CFAP299: variants seen among roughly 807,000 people sequenced by gnomAD.
The protein encoded by CFAP299 is cilia- and flagella-associated protein 299.
Under a neutral mutation model 27.0 loss-of-function variants are expected in CFAP299, and 21 were observed. The ratio of observed to expected loss-of-function variants is 0.78; its 90% CI spans 0.55 to 1.12. The LOEUF is 1.12. Among genes scored for constraint, CFAP299 ranks in the 50% most tolerant of loss-of-function variants. The probability of loss-of-function intolerance (pLI) is 0.00; values close to 1 mark genes in which losing one functional copy is unlikely to be tolerated. For synonymous variants in CFAP299, 104 were observed against 98.1 expected, an observed-to-expected ratio of 1.06 and a Z score of -0.36; for missense variants, 310 against 276.6, an observed-to-expected ratio of 1.12 and a Z score of -0.86.
intron 3 of CFAP299, among the ~76,000 whole-genome samples, chr4:80,858,425 T>C (rs1221184311): frequency 2.6e-5 from 4 of 152,116 alleles, no homozygotes; most frequent in Non-Finnish European, 5.9e-5. Flanking sequence ...CTGCTCTGAT[T>C]TTAGTTATTT....
At chr4:80,352,375 C>T (rs1723060125) in intron 1 of CFAP299, among the ~76,000 whole-genome samples, 1 of 152,102 alleles carries the variant, frequency 6.6e-6, no homozygotes, top group African/African-American at 2.4e-5. Flanking sequence ...CGAGACCAGC[C>T]TGGCCCACAT....
At position 80,815,798 on chromosome 4, in the gene CFAP299, G is replaced by A. The variant is rs532614360; in HGVS notation, c.334-54195G>A. Among the ~76,000 whole-genome samples the A allele has an allele frequency of 1.1e-3, 166 of 152,032 alleles. 1 individual carries two copies. Among genetic ancestry groups the A allele is most frequent in the African/African-American group, 3.7e-3 (153 of 41,526 alleles). On this transcript the variant is annotated intron_variant, in intron 3 of 5. Transcript: ENST00000358105. The stretch of plus-strand genomic sequence containing the variant: ...ATGTTTAAATGATATGTATATGTAC[G>A]TATGTATAAAATTGAATGCGTAAGT...
chr4:80,682,620 A>C (rs900645480), intron 3 of CFAP299, among the ~76,000 whole-genome samples: 3 of 151,968 alleles, frequency 2.0e-5, no homozygotes, highest in African/African-American at 7.3e-5. Context: ...CATCACATAG[A>C]TAAGGGAACA....
chr4:80,951,840 A>G (rs1338698139), intron 5 of CFAP299, among the ~76,000 whole-genome samples: 1 of 152,218 alleles, frequency 6.6e-6, no homozygotes, highest in Non-Finnish European at 1.5e-5. Flanking sequence ...ACTTTAAGTC[A>G]TTGAAATTAC....
At chr4:80,338,977 A>T (rs1335463238) in intron 1 of CFAP299, among the ~76,000 whole-genome samples, 1 of 152,246 alleles carries the variant, frequency 6.6e-6, no homozygotes, top group African/African-American at 2.4e-5. Context: ...GTCATTAATC[A>T]GGAGCTTTTG....
intron 2 of CFAP299, among the ~76,000 whole-genome samples, chr4:80,535,813 G>A (rs1733714267): frequency 6.6e-6 from 1 of 152,154 alleles, no homozygotes; most frequent in African/African-American, 2.4e-5. Flanking sequence ...TCAATAGCAT[G>A]GTGTAATTAT....
At chr4:80,951,905 G>A (rs978315945) in intron 5 of CFAP299, among the ~76,000 whole-genome samples, 1 of 152,178 alleles carries the variant, frequency 6.6e-6, no homozygotes, top group African/African-American at 2.4e-5. Flanking sequence ...AAAGAGTGCT[G>A]TGTAATGAGA....
At chr4:80,668,741 C>G (rs1231528893) in intron 3 of CFAP299, among the ~76,000 whole-genome samples, 2 of 152,016 alleles carry the variant, frequency 1.3e-5, no homozygotes, top group Non-Finnish European at 2.9e-5. Flanking sequence ...GATGTGATGC[C>G]TCCAGCTTTG....
intron 3 of CFAP299, among the ~76,000 whole-genome samples, chr4:80,833,820 G>A (rs757075234): frequency 9.8e-5 from 15 of 152,304 alleles, no homozygotes; most frequent in Admixed American, 2.6e-4. Context: ...GATCTCTTTA[G>A]CACTGACATT....
intron 1 of CFAP299, among the ~76,000 whole-genome samples, chr4:80,337,909 G>A (rs1722234703): frequency 1.3e-5 from 2 of 152,070 alleles, no homozygotes; most frequent in African/African-American, 4.8e-5. Context: ...ATTGATTAGT[G>A]ACAACTTTTA....
At chr4:80,769,134 T>C (rs1726062243) in intron 3 of CFAP299, among the ~76,000 whole-genome samples, 1 of 152,190 alleles carries the variant, frequency 6.6e-6, no homozygotes, top group Non-Finnish European at 1.5e-5. Context: ...ATAAGGGCTT[T>C]ATACTTTTCT....
intron 2 of CFAP299, among the ~76,000 whole-genome samples, chr4:80,550,316 G>A (rs553602004): frequency 4.6e-5 from 7 of 152,122 alleles, no homozygotes; most frequent in Non-Finnish European, 7.4e-5. Context: ...ACTAGTATTT[G>A]TTGATTGATA....
intron 3 of CFAP299, among the ~76,000 whole-genome samples, chr4:80,809,784 C>T (rs1051674142): frequency 6.6e-6 from 1 of 152,046 alleles, no homozygotes; most frequent in African/African-American, 2.4e-5. Flanking sequence ...CCAAGGGTTT[C>T]CCCACTTTCT....
At chr4:80,585,482 A>AG (rs761107166) in intron 3 of CFAP299, among the ~76,000 whole-genome samples, 1 of 152,084 alleles carries the variant, frequency 6.6e-6, no homozygotes, top group South Asian at 2.1e-4. Context: ...TCTCACATCC[A>AG]TTTGGTCACC....
chr4:80,561,622 GAATC>G (rs1735038206), intron 2 of CFAP299, among the ~76,000 whole-genome samples: 1 of 151,964 alleles, frequency 6.6e-6, no homozygotes, highest in African/African-American at 2.4e-5. Flanking sequence ...GAAATAAAAA[GAATC>G]AAGCAGAAAT....
Position 80,865,353 on chromosome 4 carries a change from C to T in CFAP299, c.334-4640C>T, listed in dbSNP as rs548048465. 9.2e-5 allele frequency among the ~76,000 whole-genome samples: 14 copies of T among 152,208 alleles called. No individual in the cohort carries two copies. The South Asian group carries it at 2.9e-3, about 32-fold the overall frequency. The stretch of plus-strand genomic sequence containing the variant: ...CTGTTAGTTTAACTTCATTCAAATT[C>T]TTAGGCAATCCACAAAATATAAATA... On this transcript the variant is annotated intron_variant, in intron 3 of 5. Coordinates refer to ENST00000358105, the MANE Select transcript of CFAP299 (RefSeq NM_152770.3).
intron 5 of CFAP299, among the ~76,000 whole-genome samples, chr4:80,963,208 C>G (rs573912877): frequency 1.3e-5 from 2 of 152,094 alleles, no homozygotes; most frequent in South Asian, 4.2e-4. Flanking sequence ...GTTTGTAAAG[C>G]CTTTCGCTAG....
intron 2 of CFAP299, among the ~76,000 whole-genome samples, chr4:80,398,949 AG>A (rs1228755901): frequency 6.6e-6 from 1 of 152,084 alleles, no homozygotes; most frequent in African/African-American, 2.4e-5. Flanking sequence ...CATCTGACAA[AG>A]GGCTCATATC....
At position 80,335,743 on chromosome 4, in the gene CFAP299, G is replaced by A; in HGVS notation, c.-26G>A. The A allele has an allele frequency of 7.0e-7, 1 of 1,425,056 alleles. No individual in the cohort carries two copies. Among genetic ancestry groups the A allele is most frequent in the South Asian group, 1.1e-5 (1 of 87,266 alleles). The allele number at this position is 1,425,056 out of a possible 1,614,324, so 88.3% of individuals were successfully genotyped here. ...CCCTGCCCTCCTGCTTCCGTTGCTA[G>A]GGACGCTTCGGCCGAGGATACCGCA... On this transcript the variant is annotated 5_prime_UTR_variant, in exon 1 of 6. Coordinates refer to ENST00000358105, the MANE Select transcript of CFAP299 (RefSeq NM_152770.3).
Sources: allele counts gnomAD v4.1 joint callset (sites outside exome capture counted in the v4.1 genomes callset), GRCh38; gene constraint gnomAD v4.1.1; transcripts MANE v1.5; gene names NCBI Gene and HGNC (gene_info 2026-07-23, HGNC 2026-07-21).